OPRPN: variants seen among roughly 807,000 people sequenced by gnomAD.
OPRPN encodes basic proline-rich lacrimal protein.
Under a neutral mutation model 2.2 loss-of-function variants are expected in OPRPN, and 1 was observed. The observed-to-expected ratio is 0.45, with a 90% CI of 0.16 to 2.15. The LOEUF is 2.15. Among genes scored for constraint, OPRPN ranks in the 30% most tolerant of loss-of-function variants. The pLI, the probability that OPRPN is intolerant of heterozygous loss-of-function variation, is 0.28. For synonymous variants in OPRPN, 126 were observed against 111.5 expected (o/e 1.13, Z -0.82); for missense variants, 306 against 297.3 (o/e 1.03, Z -0.21).
At chr4:70,403,347 C>T (rs187038197) in intron 2 of OPRPN, among the ~76,000 whole-genome samples, 3 of 152,234 alleles carry the variant, frequency 2.0e-5, no homozygotes, top group East Asian at 3.9e-4. Flanking sequence ...CTACAATAAA[C>T]GAATGGGCAT....
Position 70,410,104 on chromosome 4 carries a change from G to T in OPRPN, c.*29G>T, listed in dbSNP as rs773471864. On this transcript the variant is annotated 3_prime_UTR_variant, in exon 3 of 3. Transcript: ENST00000399575. ...TGCAATAAATGATATTTTCCAAACTGCTCTGATATCTTAGAAGAAATAAAC... is the reference window on the plus strand; with the variant it reads ...TGCAATAAATGATATTTTCCAAACTTCTCTGATATCTTAGAAGAAATAAAC... The T allele has an allele frequency of 4.1e-6, 6 of 1,458,860 alleles. No individual in the cohort carries two copies. In the East Asian group the frequency reaches 9.1e-5, roughly 22 times the overall value. 90.4% of individuals were successfully genotyped at this position (1,458,860 alleles called of 1,614,324 possible). A position where few individuals can be genotyped will look rare whatever the true frequency, so the allele number is the denominator to read the frequency against.
chr4:70,408,239 T>C (rs762368678), intron 2 of OPRPN, among the ~76,000 whole-genome samples: 18 of 152,184 alleles, frequency 1.2e-4, no homozygotes, highest in Non-Finnish European at 2.5e-4. Flanking sequence ...TGTAGGGGAA[T>C]GATTAGAGTC....
At position 70,403,070 on chromosome 4, in the gene OPRPN, G is replaced by GA. The variant is rs1161213228; in HGVS notation, c.51+3742dup. ...TTTCCATCATCCATAATGATTTGGA[G>GA]AAAAAAAATGAAACTTCTAAAATAT... On this transcript the variant is annotated intron_variant, in intron 2 of 2. Transcript: ENST00000399575. Among the ~76,000 whole-genome samples the GA allele has an allele frequency of 3.3e-5, 5 of 151,894 alleles. No individual in the cohort carries two copies. The South Asian group carries it at 6.3e-4, about 19-fold the overall frequency.
intron 2 of OPRPN, among the ~76,000 whole-genome samples, chr4:70,399,786 T>C (rs34457477): frequency 1.3e-5 from 2 of 151,962 alleles, no homozygotes; most frequent in African/African-American, 4.8e-5. Flanking sequence ...TGTACAATAG[T>C]TTTTTATTGA....
chr4:70,401,680 G>A (rs1732987155), intron 2 of OPRPN, among the ~76,000 whole-genome samples: 1 of 152,062 alleles, frequency 6.6e-6, no homozygotes, highest in African/African-American at 2.4e-5. Context: ...ATAACAAATA[G>A]GTTTCAGAGT....
chr4:70,408,739 G>A (rs1156335134), intron 2 of OPRPN, among the ~76,000 whole-genome samples: 1 of 152,150 alleles, frequency 6.6e-6, no homozygotes, highest in African/African-American at 2.4e-5. Context: ...ACAATGGTAG[G>A]ACTGGCTCTA....
chr4:70,406,379 T>C (rs79395668), intron 2 of OPRPN, among the ~76,000 whole-genome samples: 18,332 of 152,186 alleles, frequency 0.12, 1,344 homozygotes, highest in Middle Eastern at 0.21. Flanking sequence ...GAGAAAAATA[T>C]CAAAACAAAC....
chr4:70,409,502 T>C lies in OPRPN; in HGVS notation c.174T>C (p.Asn58=). The C allele has an allele frequency of 6.2e-7, 1 of 1,613,988 alleles. No homozygotes were observed. The highest frequency in any genetic ancestry group is 2.2e-5 in the East Asian group (1 of 44,858). ...SPPPPYDSRL[N]SPLSLPFVPG... ...CACCTCCCTATGACTCAAGACTTAATTCACCACTTTCTCTTCCCTTTGTCC... is the reference window on the plus strand; with the variant it reads ...CACCTCCCTATGACTCAAGACTTAACTCACCACTTTCTCTTCCCTTTGTCC... Residue 58 remains asparagine (N), a synonymous_variant, in exon 3 of 3, where the codon AAT becomes AAC. Transcript: ENST00000399575.
chr4:70,401,709 C>A (rs1732987583), intron 2 of OPRPN, among the ~76,000 whole-genome samples: 1 of 152,036 alleles, frequency 6.6e-6, no homozygotes, highest in African/African-American at 2.4e-5. Flanking sequence ...TTCATTCATG[C>A]CATTGGATAG....
At chr4:70,406,066 TA>T (rs148191131) in intron 2 of OPRPN, among the ~76,000 whole-genome samples, 13 of 149,890 alleles carry the variant, frequency 8.7e-5, no homozygotes, top group East Asian at 2.0e-4. Context: ...TGACCCCGTT[TA>T]AAAAAAAAAT....
intron 2 of OPRPN, among the ~76,000 whole-genome samples, chr4:70,402,609 A>G (rs1236370962): frequency 6.6e-6 from 1 of 152,072 alleles, no homozygotes; most frequent in East Asian, 1.9e-4. Context: ...CTTATATTCT[A>G]CTTGGGGAAG....
In OPRPN at chr4:70,409,451, G is replaced by A; in HGVS notation, c.123G>A (p.Arg41=). 6.2e-7 allele frequency: 1 copy of A among 1,613,826 alleles called. No homozygotes were observed. Among genetic ancestry groups the A allele is most frequent in the African/African-American group, 1.3e-5 (1 of 74,940 alleles). ...PGQLPPPPLY[R]PRWVPPSPPP... ...AGCTGCCACCACCTCCACTCTACAG[G>A]CCAAGATGGGTTCCACCAAGTCCCC... Residue 41 remains arginine (R), a synonymous_variant, in exon 3 of 3, where the codon AGG becomes AGA. Coordinates refer to ENST00000399575, the MANE Select transcript of OPRPN (RefSeq NM_021225.5).
intron 2 of OPRPN, 132 bp downstream of exon 2, chr4:70,399,468 C>A: frequency 2.9e-6 from 2 of 700,210 alleles, no homozygotes; most frequent in South Asian, 2.0e-5. Context: ...TATGGACTTG[C>A]TCTTACTTTC....
In OPRPN at chr4:70,409,927, C is replaced by A; in HGVS notation, c.599C>A (p.Ser200Tyr). ...ATATCAGCAGCAACCCCCGCAGCAT[C>A]TACTGAAAATACTACTCAAATTCTC... Reference protein sequence around the residue: ...TSISAATPAASTENTTQILAN... With the variant: ...TSISAATPAAYTENTTQILAN... Residue 200 changes from serine (S) to tyrosine (Y), a missense_variant, in exon 3 of 3, where the codon TCT becomes TAT. Physicochemically the swap from Ser to Tyr is moderately radical, Grantham distance 144 (BLOSUM62 -2). Transcript: ENST00000399575. The A allele has an allele frequency of 6.2e-7, 1 of 1,614,094 alleles. No homozygotes were observed. The highest frequency in any genetic ancestry group is 1.1e-5 in the South Asian group (1 of 91,084).
intron 2 of OPRPN, among the ~76,000 whole-genome samples, chr4:70,402,584 T>G (rs921097128): frequency 6.6e-6 from 1 of 152,056 alleles, no homozygotes; most frequent in Non-Finnish European, 1.5e-5. Context: ...ACAAAAAGTT[T>G]CTAACCTCAT....
chr4:70,402,031 A>G (rs541558092), intron 2 of OPRPN, among the ~76,000 whole-genome samples: 1 of 152,288 alleles, frequency 6.6e-6, no homozygotes, highest in African/African-American at 2.4e-5. Flanking sequence ...AATACTTTAC[A>G]GAAAGGGCTA....
At chr4:70,399,775 T>C (rs1345486880) in intron 2 of OPRPN, among the ~76,000 whole-genome samples, 2 of 151,976 alleles carry the variant, frequency 1.3e-5, no homozygotes, top group Non-Finnish European at 2.9e-5. Flanking sequence ...GGATTGCTGA[T>C]TGTACAATAG....
At chr4:70,401,390 GA>G (rs1286090913) in intron 2 of OPRPN, among the ~76,000 whole-genome samples, 1 of 151,982 alleles carries the variant, frequency 6.6e-6, no homozygotes, top group Non-Finnish European at 1.5e-5. Flanking sequence ...TCTAAATAAA[GA>G]AACTTTATTG....
In OPRPN at chr4:70,409,613, A is replaced by G. The variant is rs1733174077; in HGVS notation, c.285A>G (p.Gln95=). ...SQLFPLESIR[Q]PRLFPGYPNL... is the part of the protein sequence containing the mutation. ...TCTTTCCATTGGAATCTATTAGACA[A>G]CCTCGACTCTTTCCGGGTTATCCAA... The change falls in exon 3 of 3, where the codon CAA becomes CAG. Residue 95 remains glutamine (Q), a synonymous_variant. Coordinates refer to ENST00000399575, the MANE Select transcript of OPRPN (RefSeq NM_021225.5). 1.9e-6 allele frequency: 3 copies of G among 1,613,668 alleles called. No individual in the cohort carries two copies. The South Asian group carries it at 3.3e-5, about 18-fold the overall frequency.
Sources: gnomAD v4.1 joint callset for allele counts (sites outside exome capture counted in the v4.1 genomes callset) on GRCh38, gnomAD v4.1.1 for gene constraint, MANE v1.5 for transcripts, NCBI Gene and HGNC (gene_info 2026-07-23, HGNC 2026-07-21) for gene names.